Variants in OSBPL7 observed in about 807,000 individuals in gnomAD.
OSBPL7 encodes oxysterol binding protein like 7, also known as oxysterol-binding protein-related protein 7.
In OSBPL7, 66 loss-of-function variants were observed where a neutral mutation model predicts 115.8. That is an observed-to-expected ratio of 0.57 (90% CI 0.47 to 0.70). The LOEUF is 0.70. Ranked by LOEUF, OSBPL7 falls within the 30% of genes least tolerant of loss-of-function variation. The probability of loss-of-function intolerance (pLI) is 0.00; values close to 1 mark genes in which losing one functional copy is unlikely to be tolerated. For missense variants in OSBPL7, 902 were observed against 1,125.5 expected (o/e 0.80, Z 2.84); for synonymous variants, 441 against 439.2 (o/e 1.00, Z -0.05).
At position 47,816,026 on chromosome 17, in the gene OSBPL7, G is replaced by C. The variant is rs1159744054; in HGVS notation, c.1119+81C>G. Reference sequence around the variant, plus strand: ...GTCTTTGGGACTAAAAACCAACTTTGCCCACTGCCCTGGGCCTTGGCTTTC... The same window carrying C: ...GTCTTTGGGACTAAAAACCAACTTTCCCCACTGCCCTGGGCCTTGGCTTTC... On this transcript the variant is annotated intron_variant, in intron 12 of 22. Transcript: ENST00000007414. The surrounding 1 kb of genome is among the most constrained non-coding windows in gnomAD (Gnocchi z 5.8). 5.4e-6 allele frequency: 7 copies of C among 1,297,128 alleles called. No homozygotes were observed. The highest frequency in any genetic ancestry group is 7.3e-6 in the Non-Finnish European group (7 of 955,604). The allele number at this position is 1,297,128 out of a possible 1,614,324, so 80.4% of individuals were successfully genotyped here.
In OSBPL7 at chr17:47,808,154, A is replaced by G. The variant is rs888911826; in HGVS notation, c.*137T>C. The G allele has an allele frequency of 3.1e-6, 2 of 652,652 alleles. No individual in the cohort carries two copies. The highest frequency in any genetic ancestry group is 2.7e-5 in the East Asian group (1 of 36,590). 40.4% of individuals were successfully genotyped at this position (652,652 alleles called of 1,614,324 possible). A position where few individuals can be genotyped will look rare whatever the true frequency, so the allele number is the denominator to read the frequency against. On this transcript the variant is annotated 3_prime_UTR_variant, in exon 23 of 23. Transcript: ENST00000007414. This position sits in a 1 kb window ranked among gnomAD's most constrained non-coding sequence, Gnocchi z 6.1. ...GAGATGCAGACCCTCTGGCCAGCAG[A>G]GGGGAGGGAGGGCCAGGGCTGCCCC...
Position 47,807,980 on chromosome 17 carries a change from G to A in OSBPL7, c.*311C>T, listed in dbSNP as rs2032907279. 1 of 405,016 alleles carries A rather than the reference G, an allele frequency of 2.5e-6. No individual in the cohort carries two copies. The highest frequency in any genetic ancestry group is 3.0e-5 in the South Asian group (1 of 33,036). 25.1% of individuals were successfully genotyped at this position (405,016 alleles called of 1,614,324 possible). ...CACTGAAATAGGGAACAGATCCTGG[G>A]AGCCAGAGTCTCCCCCAAGTACCCC... On this transcript the variant is annotated 3_prime_UTR_variant, in exon 23 of 23. Transcript: ENST00000007414.
chr17:47,809,511 C>A (rs1316231217), intron 18 of OSBPL7, 33 bp from the exon 19 acceptor site: 1 of 1,594,388 alleles, frequency 6.3e-7, no homozygotes, highest in Admixed American at 1.7e-5. Context: ...GGGCAGCTGG[C>A]TGGCCCCAGG....
chr17:47,813,530 A>G (rs2033110612), intron 15 of OSBPL7, 57 bp downstream of exon 15: 4 of 1,585,886 alleles, frequency 2.5e-6, no homozygotes, highest in Non-Finnish European at 2.6e-6. Context: ...CTGGGAGAAA[A>G]GATCCCAGGG....
At chr17:47,818,637 G>A (rs1410030429) in intron 5 of OSBPL7, 21 bp from the exon 6 acceptor site, 1 of 1,598,816 alleles carries the variant, frequency 6.3e-7, no homozygotes, top group South Asian at 1.1e-5. Context: ...GATGGAGAGG[G>A]GGAGGGCTAT....
chr17:47,816,489 G>C lies in OSBPL7; in HGVS notation c.929-7C>G. 1 of 1,548,374 alleles carries C rather than the reference G, an allele frequency of 6.5e-7. No homozygotes were observed. The highest frequency in any genetic ancestry group is 8.7e-7 in the Non-Finnish European group (1 of 1,145,706). On this transcript the variant is annotated splice_region_variant and splice_polypyrimidine_tract_variant and intron_variant, in intron 10 of 22. Transcript: ENST00000007414. The surrounding 1 kb of genome is among the most constrained non-coding windows in gnomAD (Gnocchi z 5.8). ...CTGCTGAGGGAGCTGTGCACTACAG[G>C]GAGTGGGGCAGACCATCAGAGTCCT...
chr17:47,810,872 G>C (rs762564190), intron 16 of OSBPL7, 37 bp from the exon 17 acceptor site: 2 of 1,600,290 alleles, frequency 1.2e-6, no homozygotes, highest in Non-Finnish European at 1.7e-6. Flanking sequence ...GGCTGTCCCC[G>C]AGCACCATTA....
intron 12 of OSBPL7, chr17:47,815,805 C>T (rs1254372983): frequency 8.6e-6 from 3 of 348,596 alleles, no homozygotes; most frequent in Non-Finnish European, 1.6e-5. Context: ...TCAGTTCAGC[C>T]CGTCTATAAT....
rs542880769 is a variant in OSBPL7, at chr17:47,813,733, T to C, written c.1453A>G (p.Asn485Asp). 5.0e-6 allele frequency: 8 copies of C among 1,613,426 alleles called. No homozygotes were observed. The highest frequency in any genetic ancestry group is 2.2e-5 in the East Asian group (1 of 44,866). Residue 485 changes from asparagine to aspartate, a missense_variant, in exon 15 of 23, where the codon AAC becomes GAC. Coordinates refer to ENST00000007414, the MANE Select transcript of OSBPL7 (RefSeq NM_145798.3). ...ADVSLWNILRNNIGKDLSKVS... is the reference protein window; with the variant it reads ...ADVSLWNILRDNIGKDLSKVS... ...TTGGACAGGTCTTTGCCGATGTTGT[T>C]GCGCAGAATGTTCCACAGGCTCACG... is the stretch of plus-strand genomic sequence containing the variant.
At chr17:47,812,276 C>A (rs1323920679) in intron 16 of OSBPL7, among the ~76,000 whole-genome samples, 5 of 152,232 alleles carry the variant, frequency 3.3e-5, no homozygotes, top group Admixed American at 2.0e-4. Context: ...ACCCGCGACC[C>A]CTCCCCTTCG....
intron 14 of OSBPL7, 30 bp downstream of exon 14, chr17:47,814,491 C>G (rs2033148987): frequency 5.2e-6 from 7 of 1,334,072 alleles, no homozygotes; most frequent in Non-Finnish European, 6.4e-6. Context: ...CCGCCTCCCA[C>G]CCCTCCCTGC....
rs1174690706 is a variant in OSBPL7 at position 47,820,094 on chromosome 17, G to A, written c.78C>T (p.Ala26=). ...CCTCCACCACCTCCCACAGCTCAGA[G>A]GCCTGCAGTCCAGGACAGAGGGAGG... The part of the protein sequence containing the change: ...QSSKPSSAQQ[A]SELWEVVEEP... The change falls in exon 3 of 23, where the codon GCC becomes GCT. Residue 26 remains alanine (A), a splice_region_variant and synonymous_variant. Transcript: ENST00000007414. 3 of 1,612,740 alleles carry A rather than the reference G, an allele frequency of 1.9e-6. No individual in the cohort carries two copies. The highest frequency in any genetic ancestry group is 2.7e-5 in the African/African-American group (2 of 75,012).
At position 47,815,365 on chromosome 17, in the gene OSBPL7, C is replaced by A. The variant is rs752847916; in HGVS notation, c.1120-13G>T. On this transcript the variant is annotated splice_polypyrimidine_tract_variant and intron_variant, in intron 12 of 22. Transcript: ENST00000007414. ...ACAGAGCTTCTTGCTGTGGGAGCAG[C>A]CAGATGGATGTCAGGCTCCGGGGCC... The A allele has an allele frequency of 5.0e-6, 8 of 1,612,826 alleles. No homozygotes were observed. In the African/African-American group the frequency reaches 8.0e-5, roughly 16 times the overall value.
rs1392400326 is a variant in OSBPL7, at chr17:47,816,994, C to T, written c.703-122G>A. ...GGAGGAGGGCGCAGATTACCCAGCA[C>T]AGAGGATGCGGCCGCTCAGGCAGGG... On this transcript the variant is annotated intron_variant, in intron 8 of 22. Transcript: ENST00000007414. The surrounding 1 kb of genome is among the most constrained non-coding windows in gnomAD (Gnocchi z 5.8). The T allele has an allele frequency of 2.0e-6, 2 of 988,198 alleles. No homozygotes were observed. Among genetic ancestry groups the T allele is most frequent in the Non-Finnish European group, 3.2e-6 (2 of 630,588 alleles). 61.2% of individuals were successfully genotyped at this position (988,198 alleles called of 1,614,324 possible).
At position 47,808,568 on chromosome 17, in the gene OSBPL7, T is replaced by C. The variant is rs1475428826; in HGVS notation, c.2390A>G (p.Asn797Ser). The C allele has an allele frequency of 1.2e-6, 2 of 1,614,078 alleles. No individual in the cohort carries two copies. The highest frequency in any genetic ancestry group is 2.7e-5 in the African/African-American group (2 of 74,930). The change falls in exon 22 of 23, where the codon AAC (asparagine) becomes AGC (serine). Residue 797 changes from asparagine to serine, a missense_variant. Asn to Ser is a conservative substitution (Grantham distance 46). Transcript: ENST00000007414. This position sits in a 1 kb window ranked among gnomAD's most constrained non-coding sequence, Gnocchi z 6.1. ...GAAGCGAGCCTGGTGTACGATGTTG[T>C]TTTCCTCCATGACTTTGCGCCTGTC... ...QRDRRKVMEE[N>S]NIVHQARFFR...
At chr17:47,812,425 G>C (rs2033072996) in intron 16 of OSBPL7, among the ~76,000 whole-genome samples, 1 of 152,176 alleles carries the variant, frequency 6.6e-6, no homozygotes, top group African/African-American at 2.4e-5. Context: ...TCTTGGAGGA[G>C]CTCCAGGCCA....
chr17:47,820,349 C>G lies in OSBPL7; in HGVS notation c.-71G>C. The G allele has an allele frequency of 6.8e-7, 1 of 1,464,284 alleles. No homozygotes were observed. The highest frequency in any genetic ancestry group is 1.3e-5 in the South Asian group (1 of 79,754). The allele number at this position is 1,464,284 out of a possible 1,614,324, so 90.7% of individuals were successfully genotyped here. A position where few individuals can be genotyped will look rare whatever the true frequency, so the allele number is the denominator to read the frequency against. On this transcript the variant is annotated 5_prime_UTR_variant, in exon 2 of 23. Transcript: ENST00000007414. ...CAGGGTGGAAGGGGAAGGATGTCAC[C>G]TGCTCCTGACGGGGTCCTTGAAGCA...
In OSBPL7 at chr17:47,819,967, C is replaced by G; in HGVS notation, c.201+4G>C. The G allele has an allele frequency of 6.2e-7, 1 of 1,608,258 alleles. No homozygotes were observed. The highest frequency in any genetic ancestry group is 8.5e-7 in the Non-Finnish European group (1 of 1,179,024). ...TGGACCCTCCCTTTGCCTGCCCACC[C>G]TACCTTGTGCCAGCCCTTCAGAGGC... On this transcript the variant is annotated splice_donor_region_variant and intron_variant, in intron 3 of 22. Transcript: ENST00000007414.
rs1026099248 is a variant in OSBPL7, at chr17:47,808,203, G to A, written c.*88C>T. 2.0e-5 allele frequency: 20 copies of A among 1,022,026 alleles called. No individual in the cohort carries two copies. The highest frequency in any genetic ancestry group is 3.1e-4 in the Middle Eastern group (1 of 3,254). The allele number at this position is 1,022,026 out of a possible 1,614,324, so 63.3% of individuals were successfully genotyped here. ...CCTTTGGTCTCAAGGGCAGTGAGGCGGGGAGCCCGGCCTCACCCATGTGTC... is the reference window on the plus strand; with the variant it reads ...CCTTTGGTCTCAAGGGCAGTGAGGCAGGGAGCCCGGCCTCACCCATGTGTC... On this transcript the variant is annotated 3_prime_UTR_variant, in exon 23 of 23. Transcript: ENST00000007414. The surrounding 1 kb of genome is among the most constrained non-coding windows in gnomAD (Gnocchi z 6.1).
Sources: allele counts gnomAD v4.1 joint callset (sites outside exome capture counted in the v4.1 genomes callset), GRCh38; gene constraint gnomAD v4.1.1; non-coding constraint Gnocchi (gnomAD v3.1); transcripts MANE v1.5; gene names NCBI Gene and HGNC (gene_info 2026-07-23, HGNC 2026-07-21).